STK39: variants seen among roughly 807,000 people sequenced by gnomAD.
The protein encoded by STK39 is STE20/SPS1-related proline-alanine-rich protein kinase.
STK39 carries 20 observed loss-of-function variants against 77.8 expected under a neutral mutation model. The ratio of observed to expected loss-of-function variants is 0.26; its 90% CI spans 0.18 to 0.37. STK39 has a LOEUF of 0.37. Among genes scored for constraint, STK39 ranks in the 10% least tolerant of loss-of-function variants. STK39 has a pLI of 1.00. For missense variants in STK39, 479 were observed against 656.5 expected, an observed-to-expected ratio of 0.73 and a Z score of 2.95; for synonymous variants, 246 against 234.1, an observed-to-expected ratio of 1.05 and a Z score of -0.47.
intron 10 of STK39, among the ~76,000 whole-genome samples, chr2:168,082,260 G>A (rs570265756): frequency 7.9e-5 from 12 of 152,238 alleles, no homozygotes; most frequent in East Asian, 7.7e-4. Flanking sequence ...CCAAAAGAGC[G>A]CCAGGGACCC....
chr2:168,140,639 GTT>G lies in STK39; in HGVS notation c.738+8_738+9del, dbSNP rs757407859. ...TGTCCATCAAAAAGTCACTTTTTTT[GTT>G]TTTTTACCTGTTCCATGACTTCAGG... On this transcript the variant is annotated splice_region_variant and intron_variant, in intron 6 of 17. Transcript: ENST00000355999. 1 of 1,576,468 alleles carries G rather than the reference GTT, an allele frequency of 6.3e-7. No individual in the cohort carries two copies. Among genetic ancestry groups the G allele is most frequent in the Non-Finnish European group, 8.6e-7 (1 of 1,161,972 alleles).
chr2:168,238,830 G>C (rs900312051), intron 1 of STK39, among the ~76,000 whole-genome samples: 3 of 152,100 alleles, frequency 2.0e-5, no homozygotes, highest in East Asian at 3.8e-4. Flanking sequence ...GCCAATTGAT[G>C]GCAGATAGGG....
At chr2:168,200,828 C>T (rs1283402761) in intron 1 of STK39, among the ~76,000 whole-genome samples, 1 of 152,018 alleles carries the variant, frequency 6.6e-6, no homozygotes. Flanking sequence ...ATTATATGGT[C>T]TTTAGTTTTA....
chr2:168,181,256 C>T (rs911911678), intron 2 of STK39, among the ~76,000 whole-genome samples: 2 of 152,108 alleles, frequency 1.3e-5, no homozygotes, highest in Admixed American at 6.6e-5. Context: ...AGAACAACAA[C>T]GATATTTATG....
intron 5 of STK39, among the ~76,000 whole-genome samples, chr2:168,154,863 G>A (rs1302555959): frequency 6.6e-6 from 1 of 152,158 alleles, no homozygotes; most frequent in Non-Finnish European, 1.5e-5. Context: ...TTCTCCCACA[G>A]AAGGAGCAGG....
chr2:168,042,082 C>A lies in STK39; in HGVS notation c.1376+21418G>T, dbSNP rs1237164089. ...ACAACTATAATTTCCTGGTTGCTAA[C>A]AAGCTGAAGGCTAAATTTTCTTCTC... On this transcript the variant is annotated intron_variant, in intron 14 of 17. Coordinates refer to ENST00000355999, the MANE Select transcript of STK39 (RefSeq NM_013233.3). Among the ~76,000 whole-genome samples the A allele has an allele frequency of 2.0e-5, 3 of 152,206 alleles. 1 individual carries two copies. In the South Asian group the frequency reaches 6.2e-4, roughly 32 times the overall value.
intron 5 of STK39, among the ~76,000 whole-genome samples, chr2:168,150,739 G>A (rs1688258358): frequency 6.6e-6 from 1 of 151,896 alleles, no homozygotes; most frequent in Non-Finnish European, 1.5e-5. Context: ...TATTATTAGA[G>A]TGATAACCTT....
At chr2:168,027,494 A>G (rs962489425) in intron 14 of STK39, among the ~76,000 whole-genome samples, 26 of 152,154 alleles carry the variant, frequency 1.7e-4, no homozygotes, top group Admixed American at 1.7e-3. Flanking sequence ...CACAGCCCCA[A>G]ACCAATGTCA....
chr2:168,177,281 G>A (rs1054130196), intron 2 of STK39, among the ~76,000 whole-genome samples: 18 of 151,544 alleles, frequency 1.2e-4, no homozygotes, highest in Admixed American at 9.2e-4. Context: ...CCTCGTCCCC[G>A]GGCCATGATT....
At chr2:168,237,755 G>A (rs954483063) in intron 1 of STK39, among the ~76,000 whole-genome samples, 10 of 152,052 alleles carry the variant, frequency 6.6e-5, no homozygotes, top group Non-Finnish European at 1.5e-5. Flanking sequence ...CAGCTGGGAT[G>A]GATTTTTTTT....
intron 8 of STK39, among the ~76,000 whole-genome samples, chr2:168,135,002 G>A (rs935843103): frequency 4.6e-5 from 7 of 152,002 alleles, no homozygotes; most frequent in Admixed American, 6.5e-5. Context: ...ATTCTTCAAC[G>A]GGTCCAAATC....
At chr2:168,020,005 A>G (rs1388277980) in intron 14 of STK39, among the ~76,000 whole-genome samples, 1 of 152,066 alleles carries the variant, frequency 6.6e-6, no homozygotes, top group African/African-American at 2.4e-5. Context: ...GCGCCTGGCA[A>G]AGTTTCTTAA....
Position 168,013,051 on chromosome 2 carries a change from C to T in STK39, c.1430-349G>A, listed in dbSNP as rs76085631. Among the ~76,000 whole-genome samples the T allele has an allele frequency of 9.9e-3, 1,501 of 152,276 alleles. 35 individuals carry two copies. Among genetic ancestry groups the T allele is most frequent in the African/African-American group, 0.034 (1,426 of 41,550 alleles). The stretch of plus-strand genomic sequence containing the variant: ...CTTTTCTTTCCTGCCAAGGTTAATC[C>T]CACCTACCATCATCAATCCTTTTTT... On this transcript the variant is annotated intron_variant, in intron 15 of 17. Transcript: ENST00000355999.
At chr2:168,056,661 A>ACGTGTATGTGTAACATATGCAGG in intron 14 of STK39, among the ~76,000 whole-genome samples, 1 of 152,358 alleles carries the variant, frequency 6.6e-6, no homozygotes, top group East Asian at 1.9e-4. Context: ...ATACAAATAT[A>ACGTGTATGTGTAACATATGCAGG]CGTGTATGTG....
intron 1 of STK39, among the ~76,000 whole-genome samples, chr2:168,221,988 G>A (rs1690183813): frequency 6.6e-6 from 1 of 152,152 alleles, no homozygotes; most frequent in Non-Finnish European, 1.5e-5. Flanking sequence ...TCTCTAACAT[G>A]GAAGGAAGAA....
At chr2:168,143,086 C>T (rs1489901208) in intron 5 of STK39, among the ~76,000 whole-genome samples, 1 of 152,196 alleles carries the variant, frequency 6.6e-6, no homozygotes, top group Non-Finnish European at 1.5e-5. Context: ...AAACCACAGA[C>T]ATTTCTCTAG....
Position 167,964,742 on chromosome 2 carries a change from G to A in STK39, c.1499-16C>T, listed in dbSNP as rs369622573. 13 of 1,597,834 alleles carry A rather than the reference G, an allele frequency of 8.1e-6. No homozygotes were observed. Among genetic ancestry groups the A allele is most frequent in the African/African-American group, 4.0e-5 (3 of 74,478 alleles). ...TTAGCAGCCACTGTAAAATATAAACGTAGAGAGAAAGTTTCCAGATTATTT... is the reference window on the plus strand; with the variant it reads ...TTAGCAGCCACTGTAAAATATAAACATAGAGAGAAAGTTTCCAGATTATTT... On this transcript the variant is annotated splice_polypyrimidine_tract_variant and intron_variant, in intron 16 of 17. Transcript: ENST00000355999.
At chr2:168,001,269 CAAA>C (rs111793533) in intron 16 of STK39, among the ~76,000 whole-genome samples, 2 of 108,542 alleles carry the variant, frequency 1.8e-5, no homozygotes. Flanking sequence ...GGAAACACAT[CAAA>C]AAAAAAAAAA....
At chr2:168,007,294 T>A (rs1684155193) in intron 16 of STK39, among the ~76,000 whole-genome samples, 1 of 152,170 alleles carries the variant, frequency 6.6e-6, no homozygotes, top group Admixed American at 6.5e-5. Flanking sequence ...CTTAAAACAC[T>A]AGAATCCTAT....
Sources: allele counts gnomAD v4.1 joint callset (sites outside exome capture counted in the v4.1 genomes callset), GRCh38; gene constraint gnomAD v4.1.1; transcripts MANE v1.5; gene names NCBI Gene and HGNC (gene_info 2026-07-23, HGNC 2026-07-21).